The following TOX3 variants were observed in gnomAD, a reference collection of about 807,000 sequenced individuals.
TOX3 encodes CAG trinucleotide repeat-containing gene F9 protein.
TOX3 carries 22 observed loss-of-function variants against 64.3 expected under a neutral mutation model. That is an observed-to-expected ratio of 0.34 (90% CI 0.24 to 0.49). The LOEUF is 0.49. Ranked by LOEUF, TOX3 falls within the 20% of genes least tolerant of loss-of-function variation. TOX3 has a pLI of 0.99. For synonymous variants in TOX3, 291 were observed against 273.6 expected, an observed-to-expected ratio of 1.06 and a Z score of -0.63; for missense variants, 661 against 714.4, an observed-to-expected ratio of 0.93 and a Z score of 0.85.
At chr16:52,519,970 C>T (rs959570018) in intron 1 of TOX3, among the ~76,000 whole-genome samples, 10 of 54,114 alleles carry the variant, frequency 1.8e-4, no homozygotes, top group Non-Finnish European at 3.0e-5. Context: ...GACTCTGTCT[C>T]AAAAACAAAA....
chr16:52,536,650 T>C (rs1165567785), intron 1 of TOX3, among the ~76,000 whole-genome samples: 2 of 114,640 alleles, frequency 1.7e-5, no homozygotes, highest in East Asian at 2.7e-4. Context: ...TATATATATA[T>C]ATATATATAT....
At chr16:52,447,525 C>T (rs1003141937) in intron 4 of TOX3, among the ~76,000 whole-genome samples, 5 of 152,176 alleles carry the variant, frequency 3.3e-5, no homozygotes, top group Non-Finnish European at 5.9e-5. Context: ...TCTAGGTGAG[C>T]CTACTGTTTG....
chr16:52,444,683 G>T, intron 5 of TOX3: 1 of 208,470 alleles, frequency 4.8e-6, no homozygotes, highest in Non-Finnish European at 9.4e-6. Context: ...TCATGCTAAG[G>T]CAATAAATAA....
chr16:52,489,076 C>T (rs928223660), intron 1 of TOX3, among the ~76,000 whole-genome samples: 2 of 151,958 alleles, frequency 1.3e-5, no homozygotes, highest in Non-Finnish European at 2.9e-5. Flanking sequence ...CAAATCATCC[C>T]TTTTTTTTCC....
At chr16:52,504,984 G>A (rs189361805) in intron 1 of TOX3, among the ~76,000 whole-genome samples, 39 of 152,150 alleles carry the variant, frequency 2.6e-4, no homozygotes, top group African/African-American at 8.2e-4. Flanking sequence ...TCAGGCCCGC[G>A]CCACCACGCC....
intron 1 of TOX3, among the ~76,000 whole-genome samples, chr16:52,546,391 T>G: frequency 6.6e-6 from 1 of 150,920 alleles, no homozygotes; most frequent in Non-Finnish European, 1.5e-5. Flanking sequence ...CAAAGGAGAG[T>G]CTGGCGGGGA....
At chr16:52,464,601 A>G (rs1960798706) in intron 2 of TOX3, among the ~76,000 whole-genome samples, 1 of 152,246 alleles carries the variant, frequency 6.6e-6, no homozygotes, top group Non-Finnish European at 1.5e-5. Context: ...ATATTAATCC[A>G]GAAGTGAACA....
At chr16:52,506,066 C>A (rs1029624183) in intron 1 of TOX3, among the ~76,000 whole-genome samples, 3 of 152,198 alleles carry the variant, frequency 2.0e-5, no homozygotes, top group Non-Finnish European at 4.4e-5. Context: ...TAGCCCTGAA[C>A]TGACATTCCT....
chr16:52,450,640 G>A, intron 3 of TOX3, 94 bp from the exon 4 acceptor site: 2 of 1,485,536 alleles, frequency 1.3e-6, no homozygotes, highest in Non-Finnish European at 1.8e-6. Context: ...GGTTTGAACT[G>A]TTGCAATGTT....
chr16:52,453,087 G>A (rs1960403399), intron 3 of TOX3, among the ~76,000 whole-genome samples: 1 of 151,976 alleles, frequency 6.6e-6, no homozygotes, highest in Non-Finnish European at 1.5e-5. Context: ...CTCTTGAAGT[G>A]TAACCACTGC....
chr16:52,473,536 C>T (rs1186476307), intron 1 of TOX3, among the ~76,000 whole-genome samples: 11 of 152,136 alleles, frequency 7.2e-5, no homozygotes, highest in Admixed American at 5.2e-4. Flanking sequence ...TGGCAGAGGC[C>T]GGACTGCAAA....
chr16:52,465,076 G>A (rs1960819498), intron 2 of TOX3, among the ~76,000 whole-genome samples: 1 of 133,612 alleles, frequency 7.5e-6, no homozygotes. Flanking sequence ...GGGCAGTGGT[G>A]CCATCTCGGC....
intron 3 of TOX3, among the ~76,000 whole-genome samples, chr16:52,451,169 C>T (rs544244257): frequency 3.9e-5 from 6 of 152,304 alleles, no homozygotes; most frequent in East Asian, 1.9e-4. Flanking sequence ...GTTAACCAGA[C>T]GGTCATTCCG....
At chr16:52,524,613 C>G (rs752705941) in intron 1 of TOX3, among the ~76,000 whole-genome samples, 17 of 152,290 alleles carry the variant, frequency 1.1e-4, no homozygotes, top group Admixed American at 6.5e-4. Flanking sequence ...GGGACTCACT[C>G]TTGTTACAAG....
chr16:52,473,134 A>T (rs1191899701), intron 1 of TOX3, among the ~76,000 whole-genome samples: 1 of 152,194 alleles, frequency 6.6e-6, no homozygotes, highest in African/African-American at 2.4e-5. Flanking sequence ...AAGTAAATTA[A>T]TGTGGATTGT....
chr16:52,447,450 A>G (rs1234352969), intron 4 of TOX3, among the ~76,000 whole-genome samples: 1 of 152,180 alleles, frequency 6.6e-6, no homozygotes, highest in African/African-American at 2.4e-5. Context: ...TAGGGAGGAA[A>G]CGGATAAGGA....
At chr16:52,485,368 A>T (rs559311106) in intron 1 of TOX3, among the ~76,000 whole-genome samples, 1 of 151,736 alleles carries the variant, frequency 6.6e-6, no homozygotes, top group East Asian at 1.9e-4. Flanking sequence ...TATCCTAAGT[A>T]AACTTAACTC....
intron 1 of TOX3, among the ~76,000 whole-genome samples, chr16:52,469,282 G>T (rs1009005646): frequency 2.0e-4 from 31 of 152,092 alleles, no homozygotes; most frequent in South Asian, 4.1e-4. Flanking sequence ...TCACAAATAA[G>T]ACCGTATCAG....
In TOX3 at chr16:52,530,639, T is replaced by C. The variant is rs551152547; in HGVS notation, c.87+15998A>G. ...TTGGGAATGTAGGCGTGAGCCACCA[T>C]GCCTGGCCCCTCTTTTTTTTTTTTC... is the stretch of plus-strand genomic sequence containing the variant. On this transcript the variant is annotated intron_variant, in intron 1 of 6. Coordinates refer to ENST00000219746, the MANE Select transcript of TOX3 (RefSeq NM_001080430.4). Among the ~76,000 whole-genome samples the C allele has an allele frequency of 1.5e-3, 224 of 152,002 alleles. 1 individual carries two copies. Among genetic ancestry groups the C allele is most frequent in the Middle Eastern group, 0.01 (3 of 292 alleles).
Sources: gnomAD v4.1 joint callset for allele counts (sites outside exome capture counted in the v4.1 genomes callset) on GRCh38, gnomAD v4.1.1 for gene constraint, MANE v1.5 for transcripts, NCBI Gene and HGNC (gene_info 2026-07-23, HGNC 2026-07-21) for gene names.